The following MVB12B variants were observed in gnomAD, a reference collection of about 807,000 sequenced individuals.
MVB12B encodes the protein multivesicular body subunit 12B.
Under a neutral mutation model 41.6 loss-of-function variants are expected in MVB12B, and 16 were observed. The observed-to-expected ratio is 0.38, with a 90% CI of 0.26 to 0.58. The LOEUF (loss-of-function observed/expected upper bound fraction) is 0.58. MVB12B is among the 20% of genes least tolerant of loss of function. MVB12B has a pLI of 0.62. For synonymous variants in MVB12B, 133 were observed against 139.7 expected (o/e 0.95, Z 0.34); for missense variants, 274 against 380.2 (o/e 0.72, Z 2.32).
intron 7 of MVB12B, among the ~76,000 whole-genome samples, chr9:126,451,624 A>G (rs1479538951): frequency 6.6e-6 from 1 of 152,030 alleles, no homozygotes; most frequent in Non-Finnish European, 1.5e-5. Context: ...CAGGGGGGCC[A>G]AAAAGCTGGA....
At chr9:126,455,393 G>T (rs1206483181) in intron 7 of MVB12B, among the ~76,000 whole-genome samples, 1 of 151,754 alleles carries the variant, frequency 6.6e-6, no homozygotes, top group Non-Finnish European at 1.5e-5. Context: ...TCACCATGTT[G>T]GCCAGGATGG....
intron 1 of MVB12B, among the ~76,000 whole-genome samples, chr9:126,328,249 C>T (rs1829036804): frequency 6.6e-6 from 1 of 152,122 alleles, no homozygotes; most frequent in African/African-American, 2.4e-5. Flanking sequence ...AGAGATGAGG[C>T]TTCTGCTTGG....
intron 6 of MVB12B, among the ~76,000 whole-genome samples, chr9:126,408,989 G>T (rs976382345): frequency 5.9e-5 from 9 of 152,062 alleles, no homozygotes; most frequent in South Asian, 4.1e-4. Context: ...TACTCTGCGG[G>T]GTTTGGATGG....
At chr9:126,405,322 G>A (rs1831388205) in intron 6 of MVB12B, among the ~76,000 whole-genome samples, 1 of 152,044 alleles carries the variant, frequency 6.6e-6, no homozygotes, top group African/African-American at 2.4e-5. Context: ...GCGAGTGCAC[G>A]AGGGCTCTTT....
At chr9:126,481,674 G>A (rs1833525082) in intron 8 of MVB12B, among the ~76,000 whole-genome samples, 1 of 152,218 alleles carries the variant, frequency 6.6e-6, no homozygotes, top group Non-Finnish European at 1.5e-5. Flanking sequence ...CATGTAGTAG[G>A]TGTTTGAGAA....
intron 7 of MVB12B, among the ~76,000 whole-genome samples, chr9:126,429,622 G>A (rs1055762174): frequency 6.6e-6 from 1 of 152,234 alleles, no homozygotes; most frequent in Non-Finnish European, 1.5e-5. Flanking sequence ...TTTCCTGGGA[G>A]AAAGGACTGT....
chr9:126,496,306 C>G (rs1833833760), intron 9 of MVB12B, among the ~76,000 whole-genome samples: 1 of 142,830 alleles, frequency 7.0e-6, no homozygotes, highest in Non-Finnish European at 1.5e-5. Context: ...TACACCTACC[C>G]ATCACCCCAC....
chr9:126,396,246 T>C lies in MVB12B; in HGVS notation c.662+549T>C, dbSNP rs1831110904. The C allele has an allele frequency of 5.1e-6, 5 of 986,954 alleles. No individual in the cohort carries two copies. In the East Asian group the frequency reaches 5.6e-4, roughly 111 times the overall value. 61.1% of individuals were successfully genotyped at this position (986,954 alleles called of 1,614,324 possible). A position where few individuals can be genotyped will look rare whatever the true frequency, so the allele number is the denominator to read the frequency against. ...AAAGAAACTTGGGTGAGCCAACTGT[T>C]TGCTCTGCAACTGATTTCAGTCATA... On this transcript the variant is annotated intron_variant, in intron 6 of 9. Coordinates refer to ENST00000361171, the MANE Select transcript of MVB12B (RefSeq NM_033446.3).
At chr9:126,388,481 T>C (rs1410780816) in intron 4 of MVB12B, among the ~76,000 whole-genome samples, 1 of 152,252 alleles carries the variant, frequency 6.6e-6, no homozygotes, top group Non-Finnish European at 1.5e-5. Context: ...CTGTTAGGAA[T>C]GAGGCTGCTA....
rs1588131657 is a variant in MVB12B, at chr9:126,389,111, G to C, written c.409+2453G>C. On this transcript the variant is annotated intron_variant, in intron 4 of 9. Coordinates refer to ENST00000361171, the MANE Select transcript of MVB12B (RefSeq NM_033446.3). The surrounding 1 kb of genome is among the most constrained non-coding windows in gnomAD (Gnocchi z 4.4). ...CCTGGTTGGGAAGTTTCTCCCTTGTGACTGGGAGTACACAGGTTGCTGTCC... is the reference window on the plus strand; with the variant it reads ...CCTGGTTGGGAAGTTTCTCCCTTGTCACTGGGAGTACACAGGTTGCTGTCC... Among the ~76,000 whole-genome samples, 4 of 152,340 alleles carry C rather than the reference G, an allele frequency of 2.6e-5. No homozygotes were observed. The South Asian group carries it at 8.3e-4, about 32-fold the overall frequency.
At chr9:126,419,817 C>T (rs551599447) in intron 6 of MVB12B, among the ~76,000 whole-genome samples, 8 of 152,312 alleles carry the variant, frequency 5.3e-5, no homozygotes, top group Admixed American at 3.3e-4. Flanking sequence ...CCCGGCCAGG[C>T]CCACTGAATC....
At chr9:126,425,177 G>A (rs552240357) in intron 7 of MVB12B, among the ~76,000 whole-genome samples, 1 of 152,202 alleles carries the variant, frequency 6.6e-6, no homozygotes, top group Non-Finnish European at 1.5e-5. Context: ...GGAGACTGAG[G>A]AGGGAAGATC....
rs1830882076 is a variant in MVB12B at position 126,389,343 on chromosome 9, C to G, written c.409+2685C>G. ...GAGTATTCAAGACCCTGATTTTATA[C>G]AGTCAGCCAAAAACAGGAGACTCCT... is the stretch of plus-strand genomic sequence containing the variant. On this transcript the variant is annotated intron_variant, in intron 4 of 9. Transcript: ENST00000361171. The surrounding 1 kb of genome is among the most constrained non-coding windows in gnomAD (Gnocchi z 4.4). Among the ~76,000 whole-genome samples the G allele has an allele frequency of 6.6e-6, 1 of 152,134 alleles. No homozygotes were observed. Among genetic ancestry groups the G allele is most frequent in the Non-Finnish European group, 1.5e-5 (1 of 68,018 alleles).
intron 6 of MVB12B, chr9:126,397,287 A>T (rs957687399): frequency 1.6e-5 from 16 of 985,346 alleles, no homozygotes; most frequent in Non-Finnish European, 1.1e-5. Flanking sequence ...CAGATAAAGC[A>T]GAGAGAGCTC....
chr9:126,395,048 G>A lies in MVB12B; in HGVS notation c.540-527G>A, dbSNP rs368106512. 6.6e-6 allele frequency among the ~76,000 whole-genome samples: 1 copy of A among 152,074 alleles called. No homozygotes were observed. Among genetic ancestry groups the A allele is most frequent in the South Asian group, 2.1e-4 (1 of 4,820 alleles). On this transcript the variant is annotated intron_variant, in intron 5 of 9. Coordinates refer to ENST00000361171, the MANE Select transcript of MVB12B (RefSeq NM_033446.3). The surrounding 1 kb of genome is among the most constrained non-coding windows in gnomAD (Gnocchi z 4.9). Reference sequence around the variant, plus strand: ...CCACTCCTAGTTGTGTGGTTCATGGGGCCTCGAGTTTTGTAGTTTGAAGAT... The same window carrying A: ...CCACTCCTAGTTGTGTGGTTCATGGAGCCTCGAGTTTTGTAGTTTGAAGAT...
rs999388135 is a variant in MVB12B, at chr9:126,367,417, C to T, written c.205-13647C>T. On this transcript the variant is annotated intron_variant, in intron 2 of 9. Transcript: ENST00000361171. This position sits in a 1 kb window ranked among gnomAD's most constrained non-coding sequence, Gnocchi z 4.3. The stretch of plus-strand genomic sequence containing the variant: ...CCAACCCCACGCTTCCCACATGTGC[C>T]GGGGAGGACCCACACCCTGGCCTTT... 1.3e-5 allele frequency among the ~76,000 whole-genome samples: 2 copies of T among 152,268 alleles called. No homozygotes were observed. Among genetic ancestry groups the T allele is most frequent in the African/African-American group, 4.8e-5 (2 of 41,558 alleles).
intron 9 of MVB12B, among the ~76,000 whole-genome samples, chr9:126,491,751 C>G (rs1458104590): frequency 1.3e-5 from 2 of 152,100 alleles, no homozygotes; most frequent in African/African-American, 4.8e-5. Context: ...GAGCTAATTC[C>G]AGCCCAAAAC....
At chr9:126,394,962 G>A (rs1354353402) in intron 5 of MVB12B, among the ~76,000 whole-genome samples, 1 of 152,114 alleles carries the variant, frequency 6.6e-6, no homozygotes, top group Non-Finnish European at 1.5e-5. Flanking sequence ...GGGCGGGGCT[G>A]TGGTGACTGC....
chr9:126,441,903 T>G (rs1433314282), intron 7 of MVB12B, among the ~76,000 whole-genome samples: 1 of 152,244 alleles, frequency 6.6e-6, no homozygotes, highest in Non-Finnish European at 1.5e-5. Context: ...TGGTACCTAT[T>G]ATGCAGAATA....
Sources: allele counts gnomAD v4.1 joint callset (sites outside exome capture counted in the v4.1 genomes callset), GRCh38; gene constraint gnomAD v4.1.1; non-coding constraint Gnocchi (gnomAD v3.1); transcripts MANE v1.5; gene names NCBI Gene and HGNC (gene_info 2026-07-23, HGNC 2026-07-21).